Variants in MAPDA observed in about 807,000 individuals in gnomAD.
MAPDA encodes N6-Methyl-AMP deaminase.
At chr15:43,347,859 A>G in the MAPDA span, among the ~76,000 whole-genome samples, 13 of 152,240 alleles carry the variant, frequency 8.5e-5, no homozygotes, top group African/African-American at 2.7e-4. Flanking sequence ...TTTCATGTCT[A>G]TAAGCAGAAG....
the MAPDA span, among the ~76,000 whole-genome samples, chr15:43,339,201 A>G: frequency 3.9e-5 from 6 of 152,326 alleles, no homozygotes; most frequent in Non-Finnish European, 8.8e-5. Context: ...CTGCAGTATC[A>G]TGCTCCTTGG....
the MAPDA span, chr15:43,340,413 ATGTT>A: frequency 3.5e-6 from 5 of 1,410,534 alleles, no homozygotes; most frequent in Non-Finnish European, 5.0e-6. Flanking sequence ...GATCACTCAC[ATGTT>A]TGTGAGTGGG....
chr15:43,342,428 G>T, the MAPDA span, among the ~76,000 whole-genome samples: 2 of 147,876 alleles, frequency 1.4e-5, no homozygotes, highest in African/African-American at 5.0e-5. Flanking sequence ...GGACTAGGAG[G>T]AGAGAAAATA....
chr15:43,343,570 G>C, the MAPDA span, among the ~76,000 whole-genome samples: 1 of 152,048 alleles, frequency 6.6e-6, no homozygotes. Flanking sequence ...TCCTCAGAGG[G>C]GCCTTCCTTT....
At chr15:43,330,634 G>T in the MAPDA span, 1 of 966,550 alleles carries the variant, frequency 1.0e-6, no homozygotes, top group Non-Finnish European at 1.5e-6. Flanking sequence ...CGTCACTTCC[G>T]GGAAGAGCGC....
At chr15:43,336,891 G>T in the MAPDA span, among the ~76,000 whole-genome samples, 1 of 152,170 alleles carries the variant, frequency 6.6e-6, no homozygotes, top group Admixed American at 6.5e-5. Context: ...TATGAGGAAA[G>T]AACCATGAAG....
At chr15:43,345,832 CTCTG>C in the MAPDA span, 8 of 1,613,736 alleles carry the variant, frequency 5.0e-6, no homozygotes, top group Admixed American at 1.7e-5. Flanking sequence ...TAGTTTTCAA[CTCTG>C]TCTTTCTTAC....
the MAPDA span, chr15:43,351,274 A>G: frequency 8.6e-6 from 4 of 462,544 alleles, no homozygotes; most frequent in African/African-American, 8.0e-5. Flanking sequence ...TGCAGTGAGC[A>G]GAGATCATGC....
the MAPDA span, chr15:43,335,825 G>T: frequency 6.2e-7 from 1 of 1,612,536 alleles, no homozygotes; most frequent in Non-Finnish European, 8.5e-7. Flanking sequence ...AACTTTGGAA[G>T]AGTAAGTGTG....
At chr15:43,345,414 C>G in the MAPDA span, among the ~76,000 whole-genome samples, 1 of 150,312 alleles carries the variant, frequency 6.7e-6, no homozygotes, top group Non-Finnish European at 1.5e-5. Context: ...TCAACAAAAT[C>G]CAGACCATGG....
At chr15:43,334,932 T>C in the MAPDA span, 1 of 513,934 alleles carries the variant, frequency 1.9e-6, no homozygotes, top group Non-Finnish European at 3.4e-6. Context: ...AATATTAACA[T>C]TTGTTAAAAT....
chr15:43,335,078 G>C, the MAPDA span: 1 of 1,608,376 alleles, frequency 6.2e-7, no homozygotes. Flanking sequence ...AAGAATAAGA[G>C]TGGAGAAGAA....
chr15:43,345,723 A>G, the MAPDA span: 1 of 1,091,932 alleles, frequency 9.2e-7, no homozygotes, highest in African/African-American at 1.6e-5. Flanking sequence ...TGTTGTCTAG[A>G]TTCAGTCAGG....
the MAPDA span, among the ~76,000 whole-genome samples, chr15:43,340,703 A>C: frequency 6.6e-6 from 1 of 152,194 alleles, no homozygotes; most frequent in South Asian, 2.1e-4. Context: ...ATTATTAATG[A>C]GTGAGTTATT....
At chr15:43,332,815 C>T in the MAPDA span, among the ~76,000 whole-genome samples, 4 of 152,148 alleles carry the variant, frequency 2.6e-5, no homozygotes, top group African/African-American at 9.7e-5. Flanking sequence ...ATACTTGCTT[C>T]TGGCCCTGCT....
chr15:43,347,776 G>A, the MAPDA span, among the ~76,000 whole-genome samples: 2 of 152,296 alleles, frequency 1.3e-5, no homozygotes, highest in African/African-American at 2.4e-5. Flanking sequence ...AAGGGGTAAT[G>A]TATAAAGGTT....
At chr15:43,340,892 G>A in the MAPDA span, among the ~76,000 whole-genome samples, 304 of 152,282 alleles carry the variant, frequency 2.0e-3, 1 homozygote, top group Admixed American at 5.0e-3. Flanking sequence ...CCTGCATCAT[G>A]GGCACTTGTG....
the MAPDA span, chr15:43,335,275 C>G: frequency 1.6e-6 from 2 of 1,221,808 alleles, no homozygotes; most frequent in Non-Finnish European, 2.4e-6. Flanking sequence ...TGGCTCATGC[C>G]TGAAATTCTG....
chr15:43,335,209 T>A, the MAPDA span: 1 of 1,596,872 alleles, frequency 6.3e-7, no homozygotes, highest in Non-Finnish European at 8.6e-7. Flanking sequence ...TGGTTGCTAA[T>A]TATAATGACT....
Sources: allele counts gnomAD v4.1 joint callset (sites outside exome capture counted in the v4.1 genomes callset), GRCh38; gene constraint gnomAD v4.1.1; transcripts MANE v1.5; gene names NCBI Gene and HGNC (gene_info 2026-07-23, HGNC 2026-07-21).